The following KLF8 variants were observed in gnomAD, a reference collection of about 807,000 sequenced individuals.
KLF8 encodes Krueppel-like factor 8.
In KLF8, 10 loss-of-function variants were observed where a neutral mutation model predicts 18.2. The ratio of observed to expected loss-of-function variants is 0.55; its 90% CI spans 0.34 to 0.93. KLF8 has a LOEUF of 0.93. Ranked by LOEUF, KLF8 falls within the 40% of genes least tolerant of loss-of-function variation. The pLI is 0.02. For synonymous variants in KLF8, 109 were observed against 97.3 expected (o/e 1.12, Z -0.71); for missense variants, 264 against 277.9 (o/e 0.95, Z 0.36).
the KLF8 span, among the ~76,000 whole-genome samples, chrX:56,186,003 A>G: frequency 8.9e-6 from 1 of 112,190 alleles, no homozygotes. Context: ...CATAATGACA[A>G]GGATCAAATT....
In KLF8 at chrX:56,291,508, T is replaced by C. The variant is rs763863386; in HGVS notation, c.*7014T>C. Among the ~76,000 whole-genome samples, 22 of 112,197 alleles carry C rather than the reference T, an allele frequency of 2.0e-4. No homozygotes were observed. Among genetic ancestry groups the C allele is most frequent in the Non-Finnish European group, 3.9e-4 (21 of 53,200 alleles). On this transcript the variant is annotated 3_prime_UTR_variant, in exon 6 of 6. Transcript: ENST00000468660. ...TTTAATTATTGTACTTTTTTATTAA[T>C]AAAAAGGTCTTAAACTTCAGAAATC...
At chrX:56,135,973 C>T in the KLF8 span, among the ~76,000 whole-genome samples, 1 of 111,298 alleles carries the variant, frequency 9.0e-6, no homozygotes, top group Non-Finnish European at 1.9e-5. Context: ...AACAGAGAGC[C>T]AAATCATGAG....
the KLF8 span, among the ~76,000 whole-genome samples, chrX:56,025,374 TATTA>T: frequency 8.9e-6 from 1 of 111,830 alleles, no homozygotes; most frequent in African/African-American, 3.2e-5. Context: ...GATTTGTAAT[TATTA>T]ATTCTAAAGG....
the KLF8 span, among the ~76,000 whole-genome samples, chrX:56,154,870 G>T: frequency 7.1e-5 from 8 of 112,023 alleles, no homozygotes; most frequent in Non-Finnish European, 1.5e-4. Context: ...ATCATCACTG[G>T]CCATCAGAGA....
the KLF8 span, among the ~76,000 whole-genome samples, chrX:56,165,774 C>G: frequency 9.1e-6 from 1 of 109,422 alleles, no homozygotes; most frequent in African/African-American, 3.3e-5. Context: ...AGTGGAAGAA[C>G]TGCTTCAGCC....
At chrX:55,941,287 TA>T in the KLF8 span, among the ~76,000 whole-genome samples, 1 of 112,333 alleles carries the variant, frequency 8.9e-6, no homozygotes, top group Non-Finnish European at 1.9e-5. Context: ...CCCTATTTAA[TA>T]AATGGTGCTA....
chrX:56,092,587 T>A, the KLF8 span, among the ~76,000 whole-genome samples: 324 of 111,452 alleles, frequency 2.9e-3, no homozygotes, highest in African/African-American at 9.9e-3. Flanking sequence ...TTGCTGGAGA[T>A]CATTTTAGCT....
At chrX:55,960,474 C>T in the KLF8 span, among the ~76,000 whole-genome samples, 1 of 110,942 alleles carries the variant, frequency 9.0e-6, no homozygotes, top group Admixed American at 9.6e-5. Context: ...AAGAGCATGC[C>T]ATTTCACTCC....
chrX:56,225,377 GTCTTTATTATTTTTCTCT>G, the KLF8 span, among the ~76,000 whole-genome samples: 1 of 111,044 alleles, frequency 9.0e-6, no homozygotes, highest in African/African-American at 3.3e-5. Context: ...TGGCCTAGGG[GTCTTTATTATTTTTCTCT>G]GATCAACCAA....
the KLF8 span, among the ~76,000 whole-genome samples, chrX:55,945,467 A>T: frequency 9.0e-6 from 1 of 110,597 alleles, no homozygotes; most frequent in African/African-American, 3.3e-5. Context: ...TGGTAGTCTA[A>T]GTCTCTTTGT....
chrX:56,176,934 G>A, the KLF8 span, among the ~76,000 whole-genome samples: 2 of 111,784 alleles, frequency 1.8e-5, no homozygotes, highest in African/African-American at 3.3e-5. Flanking sequence ...TACTTCTCGT[G>A]CCTTGGTTTT....
chrX:55,958,060 T>G, the KLF8 span, among the ~76,000 whole-genome samples: 1 of 112,042 alleles, frequency 8.9e-6, no homozygotes, highest in Non-Finnish European at 1.9e-5. Flanking sequence ...TAAATTAGCT[T>G]ATAATAATTT....
chrX:56,147,226 T>A, the KLF8 span, among the ~76,000 whole-genome samples: 1 of 112,181 alleles, frequency 8.9e-6, no homozygotes, highest in African/African-American at 3.2e-5. Flanking sequence ...GGCTTGGAAC[T>A]GCTGCTAGTG....
At chrX:56,134,164 A>G in the KLF8 span, among the ~76,000 whole-genome samples, 1 of 111,621 alleles carries the variant, frequency 9.0e-6, no homozygotes, top group East Asian at 2.8e-4. Context: ...AGAAAAAACA[A>G]TCTTAAAATT....
chrX:56,185,494 C>A, the KLF8 span, among the ~76,000 whole-genome samples: 1 of 111,072 alleles, frequency 9.0e-6, no homozygotes, highest in African/African-American at 3.3e-5. Flanking sequence ...GCAAGGCAGG[C>A]CAACATTCAG....
the KLF8 span, among the ~76,000 whole-genome samples, chrX:56,139,739 T>C: frequency 1.8e-5 from 2 of 111,150 alleles, no homozygotes; most frequent in Admixed American, 9.6e-5. Flanking sequence ...TGACAAAGAT[T>C]CCAAAAACAA....
At chrX:56,069,735 G>T in the KLF8 span, among the ~76,000 whole-genome samples, 1 of 111,649 alleles carries the variant, frequency 9.0e-6, no homozygotes. Flanking sequence ...TTCCAGCCCA[G>T]CAGTCATGCC....
At chrX:56,019,901 C>A in the KLF8 span, among the ~76,000 whole-genome samples, 1 of 111,424 alleles carries the variant, frequency 9.0e-6, no homozygotes, top group East Asian at 2.8e-4. Context: ...AGTTTGGAGG[C>A]CTGTGAGGCC....
At chrX:56,046,579 T>G in the KLF8 span, among the ~76,000 whole-genome samples, 12,400 of 101,215 alleles carry the variant, frequency 0.12, 1,267 homozygotes, top group African/African-American at 0.33. Flanking sequence ...ATTGGTAGTG[T>G]CGTATTCTCT....
Sources: gnomAD v4.1 joint callset for allele counts (sites outside exome capture counted in the v4.1 genomes callset) on GRCh38, gnomAD v4.1.1 for gene constraint, MANE v1.5 for transcripts, NCBI Gene and HGNC (gene_info 2026-07-23, HGNC 2026-07-21) for gene names.